The following MGAT5 variants were observed in gnomAD, a reference collection of about 807,000 sequenced individuals.
MGAT5 encodes alpha-1,6-mannosylglycoprotein 6-beta-N-acetylglucosaminyltransferase.
Under a neutral mutation model 94.3 loss-of-function variants are expected in MGAT5, and 30 were observed. The ratio of observed to expected loss-of-function variants is 0.32; its 90% CI spans 0.24 to 0.43. The LOEUF is 0.43. Ranked by LOEUF, MGAT5 falls within the 20% of genes least tolerant of loss-of-function variation. The probability of loss-of-function intolerance (pLI) is 1.00; values close to 1 mark genes in which losing one functional copy is unlikely to be tolerated. For missense variants in MGAT5, 691 were observed against 905.5 expected (o/e 0.76, Z 3.04); for synonymous variants, 310 against 322.9 (o/e 0.96, Z 0.43).
intron 1 of MGAT5, among the ~76,000 whole-genome samples, chr2:134,136,074 A>G (rs904669132): frequency 1.2e-4 from 19 of 152,232 alleles, no homozygotes; most frequent in African/African-American, 4.6e-4. Context: ...AAGTCACAGT[A>G]GTATTAGTGC....
intron 1 of MGAT5, among the ~76,000 whole-genome samples, chr2:134,140,613 A>C (rs547625172): frequency 6.6e-6 from 1 of 152,382 alleles, no homozygotes; most frequent in Admixed American, 6.5e-5. Flanking sequence ...ACAAAGGTTA[A>C]TATAACACCT....
At chr2:134,182,937 CCAT>C (rs1688818277) in intron 1 of MGAT5, among the ~76,000 whole-genome samples, 2 of 151,678 alleles carry the variant, frequency 1.3e-5, no homozygotes, top group Non-Finnish European at 2.9e-5. Context: ...CAGGCGCCCA[CCAT>C]CACACCTGGC....
At chr2:134,325,298 G>GT (rs1252274344) in intron 4 of MGAT5, among the ~76,000 whole-genome samples, 1 of 151,996 alleles carries the variant, frequency 6.6e-6, no homozygotes, top group Non-Finnish European at 1.5e-5. Context: ...TCTCCAATTT[G>GT]TTTTTTATAC....
chr2:134,224,534 G>A (rs1205828230), intron 1 of MGAT5, among the ~76,000 whole-genome samples: 1 of 152,136 alleles, frequency 6.6e-6, no homozygotes, highest in Non-Finnish European at 1.5e-5. Context: ...TATTTAGAAA[G>A]CCCTTGAGAG....
At chr2:134,216,615 G>T (rs1426164352) in intron 1 of MGAT5, among the ~76,000 whole-genome samples, 2 of 152,256 alleles carry the variant, frequency 1.3e-5, no homozygotes, top group Non-Finnish European at 1.5e-5. Flanking sequence ...AACCCAGGTT[G>T]CCCTGTGTGA....
At chr2:134,232,851 G>A (rs952488381) in intron 1 of MGAT5, among the ~76,000 whole-genome samples, 2 of 152,154 alleles carry the variant, frequency 1.3e-5, no homozygotes, top group Non-Finnish European at 2.9e-5. Flanking sequence ...GTGTCTTCTT[G>A]TATGTACATG....
chr2:134,276,011 A>G (rs200027348), intron 2 of MGAT5, among the ~76,000 whole-genome samples: 1 of 152,120 alleles, frequency 6.6e-6, no homozygotes, highest in East Asian at 1.9e-4. Context: ...TGAAATTCCG[A>G]TCTATGAGAT....
chr2:134,231,885 G>C (rs1681383435), intron 1 of MGAT5, among the ~76,000 whole-genome samples: 1 of 152,196 alleles, frequency 6.6e-6, no homozygotes, highest in Admixed American at 6.5e-5. Flanking sequence ...TTTACACCCA[G>C]TGAGTTGAGG....
At chr2:134,315,176 A>G (rs1040952287) in intron 2 of MGAT5, among the ~76,000 whole-genome samples, 2 of 152,142 alleles carry the variant, frequency 1.3e-5, no homozygotes, top group African/African-American at 4.8e-5. Context: ...ACCCTGCCCT[A>G]CCACACCACC....
intron 1 of MGAT5, among the ~76,000 whole-genome samples, chr2:134,180,926 A>G (rs1688705029): frequency 6.6e-6 from 1 of 152,212 alleles, no homozygotes; most frequent in African/African-American, 2.4e-5. Flanking sequence ...AAGGGAAGAT[A>G]ATTTGAAAGA....
intron 1 of MGAT5, among the ~76,000 whole-genome samples, chr2:134,195,042 A>G (rs544901936): frequency 4.8e-4 from 73 of 152,222 alleles, no homozygotes; most frequent in African/African-American, 1.7e-3. Context: ...TCACATACCT[A>G]TTTTATTTTT....
intron 12 of MGAT5, among the ~76,000 whole-genome samples, chr2:134,419,176 C>T (rs1260474219): frequency 6.6e-6 from 1 of 152,198 alleles, no homozygotes; most frequent in South Asian, 2.1e-4. Flanking sequence ...ATACATGTCT[C>T]TTTGCCTTCA....
At chr2:134,138,397 T>C (rs955148304) in intron 1 of MGAT5, among the ~76,000 whole-genome samples, 1 of 152,172 alleles carries the variant, frequency 6.6e-6, no homozygotes, top group Admixed American at 6.6e-5. Flanking sequence ...GTCTAAAGTG[T>C]AGGAGTTAAA....
At chr2:134,393,732 G>GT in intron 10 of MGAT5, among the ~76,000 whole-genome samples, 1 of 152,266 alleles carries the variant, frequency 6.6e-6, no homozygotes, top group South Asian at 2.1e-4. Flanking sequence ...TAAGCACTGA[G>GT]TGAAATTGTT....
chr2:134,379,848 A>G (rs546464624), intron 10 of MGAT5, among the ~76,000 whole-genome samples: 31 of 152,348 alleles, frequency 2.0e-4, no homozygotes, highest in Non-Finnish European at 3.4e-4. Flanking sequence ...GGACAAATCA[A>G]GTGGTTTGCA....
intron 11 of MGAT5, 73 bp from the exon 12 acceptor site, chr2:134,412,796 A>G (rs1481015099): frequency 6.3e-7 from 1 of 1,574,812 alleles, no homozygotes; most frequent in South Asian, 1.2e-5. Context: ...GCCGCCTGCA[A>G]GCTAGGAATG....
chr2:134,147,374 C>G (rs1416292759), intron 1 of MGAT5, among the ~76,000 whole-genome samples: 1 of 152,148 alleles, frequency 6.6e-6, no homozygotes, highest in African/African-American at 2.4e-5. Context: ...TGATTAAATA[C>G]TTAGAAAGTT....
chr2:134,283,867 C>T (rs1282661103), intron 2 of MGAT5, among the ~76,000 whole-genome samples: 2 of 151,990 alleles, frequency 1.3e-5, no homozygotes, highest in East Asian at 3.9e-4. Context: ...TACATCGCTG[C>T]ACTAGGCTCT....
chr2:134,402,585 C>T lies in MGAT5; in HGVS notation c.1381-403C>T, dbSNP rs964684261. ...TTGCAGTCCAACTGACTGCCTTCCC[C>T]GGGCTGTCCTTCCCCAAACTTCCTC... On this transcript the variant is annotated intron_variant, in intron 10 of 15. Transcript: ENST00000281923. Among the ~76,000 whole-genome samples, 6 of 152,170 alleles carry T rather than the reference C, an allele frequency of 3.9e-5. No individual in the cohort carries two copies. In the East Asian group the frequency reaches 7.7e-4, roughly 20 times the overall value.
Sources: gnomAD v4.1 joint callset for allele counts (sites outside exome capture counted in the v4.1 genomes callset) on GRCh38, gnomAD v4.1.1 for gene constraint, MANE v1.5 for transcripts, NCBI Gene and HGNC (gene_info 2026-07-23, HGNC 2026-07-21) for gene names.